FRMD3: variants seen among roughly 807,000 people sequenced by gnomAD.
The protein encoded by FRMD3 is FERM domain-containing protein 3.
A neutral mutation model predicts 70.2 loss-of-function variants in FRMD3; 33 were observed. The ratio of observed to expected loss-of-function variants is 0.47; its 90% CI spans 0.36 to 0.63. The LOEUF is 0.63. FRMD3 is among the 20% of genes least tolerant of loss of function. The pLI, the probability that FRMD3 is intolerant of heterozygous loss-of-function variation, is 0.00. For missense variants in FRMD3, 632 were observed against 711.4 expected, an observed-to-expected ratio of 0.89 and a Z score of 1.27; for synonymous variants, 279 against 255.9, an observed-to-expected ratio of 1.09 and a Z score of -0.86.
intron 1 of FRMD3, among the ~76,000 whole-genome samples, chr9:83,448,801 G>C (rs1011671309): frequency 2.6e-5 from 4 of 152,224 alleles, no homozygotes; most frequent in African/African-American, 7.2e-5. Context: ...CTTGGCAGCA[G>C]TGGGGAGAGC....
chr9:83,476,244 C>T (rs768133377), intron 1 of FRMD3, among the ~76,000 whole-genome samples: 1 of 152,018 alleles, frequency 6.6e-6, no homozygotes, highest in African/African-American at 2.4e-5. Flanking sequence ...ATTAGCCGAG[C>T]ATGGTGGTGC....
rs557636468 is a variant in FRMD3, at chr9:83,302,158, T to C, written c.927-2972A>G. Among the ~76,000 whole-genome samples, 4 of 152,268 alleles carry C rather than the reference T, an allele frequency of 2.6e-5. No individual in the cohort carries two copies. In the East Asian group the frequency reaches 7.7e-4, roughly 29 times the overall value. On this transcript the variant is annotated intron_variant, in intron 10 of 13. Transcript: ENST00000304195. ...AGAATGGTGGCCAGGTTAAAGTACA[T>C]GAATCCGGAGTACCAGATCCCAAAC...
chr9:83,434,372 G>T (rs540489277), intron 1 of FRMD3, among the ~76,000 whole-genome samples: 1 of 152,212 alleles, frequency 6.6e-6, no homozygotes, highest in African/African-American at 2.4e-5. Flanking sequence ...CTTCCTGGTT[G>T]TGTCACCTGG....
intron 1 of FRMD3, among the ~76,000 whole-genome samples, chr9:83,419,560 C>A (rs559516276): frequency 6.7e-6 from 1 of 150,010 alleles, no homozygotes; most frequent in Admixed American, 6.7e-5. Flanking sequence ...TGTGTGTGTT[C>A]ACGTGTGTTG....
intron 1 of FRMD3, among the ~76,000 whole-genome samples, chr9:83,495,188 G>A (rs973397971): frequency 1.3e-5 from 2 of 152,152 alleles, no homozygotes; most frequent in Non-Finnish European, 2.9e-5. Context: ...AGGCTGGGAA[G>A]CAGAGTTGGG....
chr9:83,243,320 G>C, downstream of FRMD3: 1 of 1,191,952 alleles, frequency 8.4e-7, no homozygotes, highest in Non-Finnish European at 1.2e-6. Context: ...CCACCCTGTA[G>C]AGAGTGGCCC....
intron 3 of FRMD3, among the ~76,000 whole-genome samples, chr9:83,363,110 T>C: frequency 6.6e-6 from 1 of 152,140 alleles, no homozygotes. Context: ...TATATTCTCA[T>C]GGTAAAAGAT....
chr9:83,279,850 G>C (rs907556084), intron 13 of FRMD3, among the ~76,000 whole-genome samples: 1 of 152,118 alleles, frequency 6.6e-6, no homozygotes, highest in African/African-American at 2.4e-5. Flanking sequence ...TGTATGTAGG[G>C]CTTAATACCT....
the FRMD3 span, among the ~76,000 whole-genome samples, chr9:83,583,654 G>A: frequency 6.6e-6 from 1 of 152,124 alleles, no homozygotes; most frequent in Non-Finnish European, 1.5e-5. Context: ...TGTAGCCCAG[G>A]CCGGAGTGTG....
chr9:83,247,300 A>G lies in FRMD3; in HGVS notation c.*618T>C. ...CCAAAAATATTTTTAAAAACAAAGT[A>G]GCGCCAAAACATTAAAAAAATTCTG... is the stretch of plus-strand genomic sequence containing the variant. On this transcript the variant is annotated 3_prime_UTR_variant, in exon 14 of 14. Coordinates refer to ENST00000304195, the MANE Select transcript of FRMD3 (RefSeq NM_174938.6). The G allele has an allele frequency of 4.1e-6, 4 of 985,124 alleles. No homozygotes were observed. The highest frequency in any genetic ancestry group is 4.8e-6 in the Non-Finnish European group (4 of 829,678). 61.0% of individuals were successfully genotyped at this position (985,124 alleles called of 1,614,324 possible).
At chr9:83,429,243 T>C (rs1408974074) in intron 1 of FRMD3, among the ~76,000 whole-genome samples, 2 of 152,164 alleles carry the variant, frequency 1.3e-5, no homozygotes, top group African/African-American at 2.4e-5. Flanking sequence ...GCTCTCCTAC[T>C]GTGATGTCTC....
chr9:83,316,993 C>T (rs959024094), intron 6 of FRMD3, among the ~76,000 whole-genome samples: 1 of 151,912 alleles, frequency 6.6e-6, no homozygotes, highest in South Asian at 2.1e-4. Flanking sequence ...TCACTTGAGC[C>T]CAGAAGTTCA....
At chr9:83,277,809 C>A (rs1351134697) in intron 13 of FRMD3, among the ~76,000 whole-genome samples, 1 of 152,194 alleles carries the variant, frequency 6.6e-6, no homozygotes, top group Admixed American at 6.5e-5. Context: ...TCCATACATT[C>A]ATTCATTCAT....
the FRMD3 span, among the ~76,000 whole-genome samples, chr9:83,584,033 T>A: frequency 1.3e-5 from 2 of 152,090 alleles, no homozygotes; most frequent in Non-Finnish European, 2.9e-5. Flanking sequence ...CTCCACAGGC[T>A]CTGTTTAAAA....
chr9:83,273,605 A>C (rs1019729735), intron 13 of FRMD3, among the ~76,000 whole-genome samples: 3 of 141,642 alleles, frequency 2.1e-5, no homozygotes, highest in African/African-American at 8.5e-5. Context: ...CGATCAATAA[A>C]TACTAAAAAA....
chr9:83,260,991 C>T (rs1470848525), intron 13 of FRMD3, among the ~76,000 whole-genome samples: 11 of 152,186 alleles, frequency 7.2e-5, no homozygotes, highest in Admixed American at 6.5e-4. Context: ...TCTAATACTA[C>T]AAATGTTCCT....
intron 1 of FRMD3, among the ~76,000 whole-genome samples, chr9:83,441,302 G>A (rs892417325): frequency 6.6e-6 from 1 of 152,180 alleles, no homozygotes; most frequent in Non-Finnish European, 1.5e-5. Flanking sequence ...ACGTGGGAAT[G>A]CCTGAGAAGT....
intron 1 of FRMD3, among the ~76,000 whole-genome samples, chr9:83,438,030 T>C (rs3860924): frequency 0.59 from 89,540 of 151,950 alleles, 28,015 homozygotes; most frequent in African/African-American, 0.82. Context: ...ACCGGCTGTT[T>C]TGGTGCTATA....
chr9:83,494,083 G>A (rs1828888062), intron 1 of FRMD3, among the ~76,000 whole-genome samples: 1 of 152,218 alleles, frequency 6.6e-6, no homozygotes, highest in Non-Finnish European at 1.5e-5. Flanking sequence ...CTCCTCCGTA[G>A]AAGAATCCAT....
Sources: gnomAD v4.1 joint callset for allele counts (sites outside exome capture counted in the v4.1 genomes callset) on GRCh38, gnomAD v4.1.1 for gene constraint, MANE v1.5 for transcripts, NCBI Gene and HGNC (gene_info 2026-07-23, HGNC 2026-07-21) for gene names.